Variants in GRIK5 observed in about 807,000 individuals in gnomAD.
GRIK5 encodes the protein glutamate ionotropic receptor kainate type subunit 5, also known as glutamate receptor ionotropic, kainate 5.
A neutral mutation model predicts 97.4 loss-of-function variants in GRIK5; 43 were observed. The ratio of observed to expected loss-of-function variants is 0.44; its 90% CI spans 0.35 to 0.57. GRIK5 has a LOEUF of 0.57. Among genes scored for constraint, GRIK5 ranks in the 20% least tolerant of loss-of-function variants. The pLI, the probability that GRIK5 is intolerant of heterozygous loss-of-function variation, is 0.01. For missense variants in GRIK5, 1,015 were observed against 1,382.0 expected (o/e 0.73, Z 4.21); for synonymous variants, 580 against 583.5 (o/e 0.99, Z 0.09).
chr19:42,001,107 G>C (rs1394452637), intron 19 of GRIK5, among the ~76,000 whole-genome samples: 7 of 151,944 alleles, frequency 4.6e-5, no homozygotes, highest in Admixed American at 4.6e-4. Context: ...AAATCAACCC[G>C]GGGCCAGGTA....
chr19:42,069,119 G>C, intron 1 of GRIK5, 122 bp downstream of exon 1: 1 of 423,976 alleles, frequency 2.4e-6, no homozygotes, highest in East Asian at 3.5e-5. Context: ...GGCCCCTAGT[G>C]GGGGAGGGTA....
chr19:42,003,463 G>GAAGGGAGTTGGGGGGCA lies in GRIK5; in HGVS notation c.2393-27_2393-11dup. On this transcript the variant is annotated splice_polypyrimidine_tract_variant and intron_variant, in intron 18 of 19. Coordinates refer to ENST00000593562, the MANE Select transcript of GRIK5 (RefSeq NM_002088.5). The surrounding 1 kb of genome is among the most constrained non-coding windows in gnomAD (Gnocchi z 4.2). ...TTCTCCATGCCCAAACCTGGAGGGCGAAGGGAGTTGGGGGGCAAAGGGAGT... is the reference window on the plus strand; with the variant it reads ...TTCTCCATGCCCAAACCTGGAGGGCGAAGGGAGTTGGGGGGCAAAGGGAGTTGGGGGGCAAAGGGAGT... The GAAGGGAGTTGGGGGGCA allele has an allele frequency of 6.2e-7, 1 of 1,613,418 alleles. No individual in the cohort carries two copies. The highest frequency in any genetic ancestry group is 8.5e-7 in the Non-Finnish European group (1 of 1,179,470).
In GRIK5 at chr19:42,041,961, C is replaced by T. The variant is rs866571383; in HGVS notation, c.1473+591G>A. On this transcript the variant is annotated intron_variant, in intron 12 of 19. Transcript: ENST00000593562. ...TGTGGTCATTCACTGTCTTGCGCCC[C>T]AAAGAGACTCTAAGCTCTTGGGGGC... Among the ~76,000 whole-genome samples, 14 of 152,274 alleles carry T rather than the reference C, an allele frequency of 9.2e-5. No individual in the cohort carries two copies. The Middle Eastern group carries it at 0.017, about 185-fold the overall frequency.
chr19:42,042,497 G>C lies in GRIK5; in HGVS notation c.1473+55C>G, dbSNP rs995779774. 2 of 1,484,708 alleles carry C rather than the reference G, an allele frequency of 1.3e-6. No individual in the cohort carries two copies. Among genetic ancestry groups the C allele is most frequent in the East Asian group, 4.6e-5 (2 of 43,808 alleles). The allele number at this position is 1,484,708 out of a possible 1,614,324, so 92.0% of individuals were successfully genotyped here. On this transcript the variant is annotated intron_variant, in intron 12 of 19. Transcript: ENST00000593562. The surrounding 1 kb of genome is among the most constrained non-coding windows in gnomAD (Gnocchi z 6.9). ...GGTTCGACTGGCTGCCCAGCTGCCCGCCCTCCCTCACTCGCCGGGTCCATG... is the reference window on the plus strand; with the variant it reads ...GGTTCGACTGGCTGCCCAGCTGCCCCCCCTCCCTCACTCGCCGGGTCCATG...
intron 15 of GRIK5, among the ~76,000 whole-genome samples, chr19:42,008,681 GA>G (rs1170119532): frequency 6.6e-6 from 1 of 152,048 alleles, no homozygotes; most frequent in Non-Finnish European, 1.5e-5. Context: ...ATAACCAAGA[GA>G]AAAATCACTC....
chr19:42,011,087 G>GT (rs1471118858), intron 15 of GRIK5, among the ~76,000 whole-genome samples: 4 of 151,528 alleles, frequency 2.6e-5, no homozygotes, highest in Admixed American at 2.6e-4. Flanking sequence ...GATTACAGGC[G>GT]TGAGCACCAC....
rs915200188 is a variant in GRIK5 at position 42,054,181 on chromosome 19, C to T, written c.1056+139G>A. On this transcript the variant is annotated intron_variant, in intron 9 of 19. Transcript: ENST00000593562. Reference sequence around the variant, plus strand: ...AGAGAGTAACCCAGATAGGCAGCAACAGCCAGGAGTGGACAGGGGAGGCAG... The same window carrying T: ...AGAGAGTAACCCAGATAGGCAGCAATAGCCAGGAGTGGACAGGGGAGGCAG... 3.4e-6 allele frequency: 3 copies of T among 895,096 alleles called. No homozygotes were observed. In the African/African-American group the frequency reaches 5.0e-5, roughly 15 times the overall value. The allele number at this position is 895,096 out of a possible 1,614,324, so 55.4% of individuals were successfully genotyped here.
At chr19:42,064,856 T>C (rs751811796) in intron 3 of GRIK5, among the ~76,000 whole-genome samples, 1 of 152,166 alleles carries the variant, frequency 6.6e-6, no homozygotes, top group Non-Finnish European at 1.5e-5. Context: ...CAGAGCTCAG[T>C]TTCAGACTAG....
chr19:42,042,566 C>T lies in GRIK5; in HGVS notation c.1459G>A (p.Glu487Lys), dbSNP rs1568913331. 1 of 1,610,524 alleles carries T rather than the reference C, an allele frequency of 6.2e-7. No homozygotes were observed. Residue 487 changes from glutamate to lysine, a missense_variant, in exon 12 of 20, where the codon GAG becomes AAG. Physicochemically the swap from Glu to Lys is moderately conservative, Grantham distance 56 (BLOSUM62 1). Transcript: ENST00000593562. The surrounding 1 kb of genome is among the most constrained non-coding windows in gnomAD (Gnocchi z 6.9). ...TCCAGCCATACCCGGTTGATGAGCT[C>T]GCCAACCATGCCCGTCCAGGAGCCG... ...PNGSWTGMVG[E>K]LINRKADLAV...
Position 42,065,546 on chromosome 19 carries a change from G to A in GRIK5, c.79+146C>T. 1.0e-6 allele frequency: 1 copy of A among 971,798 alleles called. No homozygotes were observed. The highest frequency in any genetic ancestry group is 1.5e-6 in the Non-Finnish European group (1 of 660,596). The allele number at this position is 971,798 out of a possible 1,614,324, so 60.2% of individuals were successfully genotyped here. A position where few individuals can be genotyped will look rare whatever the true frequency, so the allele number is the denominator to read the frequency against. On this transcript the variant is annotated intron_variant, in intron 2 of 19. Coordinates refer to ENST00000593562, the MANE Select transcript of GRIK5 (RefSeq NM_002088.5). The surrounding 1 kb of genome is among the most constrained non-coding windows in gnomAD (Gnocchi z 5.8). ...TGGGAGCTAGGGGTCTGGACTCCTG[G>A]GTCCTGGGGGAAGGAGGAACTGGAG...
Position 41,999,437 on chromosome 19 carries a change from C to T in GRIK5, c.2515-138G>A. ...TCTGCCCTCGCTTCCCTTCCCACTTCTCTTCCCTTTATCTCCCCCGTGTTT... is the reference window on the plus strand; with the variant it reads ...TCTGCCCTCGCTTCCCTTCCCACTTTTCTTCCCTTTATCTCCCCCGTGTTT... On this transcript the variant is annotated intron_variant, in intron 19 of 19. Transcript: ENST00000593562. This position sits in a 1 kb window ranked among gnomAD's most constrained non-coding sequence, Gnocchi z 5.0. 1.6e-6 allele frequency: 1 copy of T among 640,054 alleles called. No individual in the cohort carries two copies. Among genetic ancestry groups the T allele is most frequent in the Non-Finnish European group, 2.5e-6 (1 of 393,674 alleles). 39.6% of individuals were successfully genotyped at this position (640,054 alleles called of 1,614,324 possible).
At position 41,998,956 on chromosome 19, in the gene GRIK5, C is replaced by T. The variant is rs2146002653; in HGVS notation, c.2858G>A (p.Gly953Asp). 5 of 1,153,392 alleles carry T rather than the reference C, an allele frequency of 4.3e-6. No homozygotes were observed. In the East Asian group the frequency reaches 1.9e-4, roughly 44 times the overall value. The allele number at this position is 1,153,392 out of a possible 1,614,324, so 71.4% of individuals were successfully genotyped here. ...RASGAGAPPR[G>D]LGVPAEATSP... ...GGTGGCTTCGGCGGGGACGCCCAGG[C>T]CACGCGGAGGCGCGCCGGCCCCCGA... Residue 953 changes from glycine to aspartate, a missense_variant, in exon 20 of 20, where the codon GGC becomes GAC. Gly to Asp is a moderately conservative substitution (Grantham distance 94, BLOSUM62 -1). Around this residue, in one of 5 missense-constraint regions of GRIK5, gnomAD observed 109 missense variants for 100.4 expected, o/e 1.09. Transcript: ENST00000593562.
In GRIK5 at chr19:42,003,595, C is replaced by T. The variant is rs1168889048; in HGVS notation, c.2352G>A (p.Glu784=). The T allele has an allele frequency of 5.6e-6, 9 of 1,613,288 alleles. No individual in the cohort carries two copies. Among genetic ancestry groups the T allele is most frequent in the Non-Finnish European group, 7.6e-6 (9 of 1,179,634 alleles). The part of the protein sequence containing the change: ...RLEILKRKWW[E]GGRCPKEEDH... ...CCTCCTCCTTGGGGCACCGGCCCCC[C>T]TCCCACCACTTGCGCTTCAGGATCT... Residue 784 remains glutamate, a synonymous_variant, in exon 18 of 20, where the codon GAG becomes GAA. Transcript: ENST00000593562. The surrounding 1 kb of genome is among the most constrained non-coding windows in gnomAD (Gnocchi z 4.2).
intron 12 of GRIK5, among the ~76,000 whole-genome samples, chr19:42,031,856 G>C (rs954338730): frequency 1.3e-5 from 2 of 152,202 alleles, no homozygotes; most frequent in Non-Finnish European, 2.9e-5. Flanking sequence ...TTGTTGGCCA[G>C]GTGCAACAAC....
intron 12 of GRIK5, among the ~76,000 whole-genome samples, chr19:42,031,779 C>G (rs1599788203): frequency 6.6e-6 from 1 of 152,340 alleles, no homozygotes; most frequent in South Asian, 2.1e-4. Context: ...CCCAGTTATT[C>G]TGTTCAGAGA....
intron 16 of GRIK5, 44 bp from the exon 17 acceptor site, chr19:42,005,992 G>T: frequency 2.0e-6 from 2 of 993,640 alleles, no homozygotes; most frequent in South Asian, 1.4e-5. Flanking sequence ...GGTCTTTCCA[G>T]CCGCTTCCTT....
chr19:42,033,429 C>A (rs1358123207), intron 12 of GRIK5, among the ~76,000 whole-genome samples: 1 of 151,538 alleles, frequency 6.6e-6, no homozygotes, highest in Non-Finnish European at 1.5e-5. Flanking sequence ...TACACAAAGA[C>A]CGCATATTGG....
At chr19:42,010,227 G>A (rs1555873705) in intron 15 of GRIK5, among the ~76,000 whole-genome samples, 2 of 152,134 alleles carry the variant, frequency 1.3e-5, no homozygotes, top group Non-Finnish European at 2.9e-5. Context: ...AAAGAGAGGA[G>A]AGAAAGGGAT....
chr19:42,053,494 C>T (rs1217070537), intron 11 of GRIK5, 108 bp downstream of exon 11: 31 of 696,342 alleles, frequency 4.5e-5, no homozygotes, highest in Non-Finnish European at 7.4e-5. Flanking sequence ...TCCCAGCCCC[C>T]ACTGGCCTAT....
Sources: gnomAD v4.1 joint callset for allele counts (sites outside exome capture counted in the v4.1 genomes callset) on GRCh38, gnomAD v4.1.1 for gene constraint, gnomAD v4.1.1 regional missense constraint, Gnocchi (gnomAD v3.1) non-coding constraint, MANE v1.5 for transcripts, NCBI Gene and HGNC (gene_info 2026-07-23, HGNC 2026-07-21) for gene names.